RNF150: variants seen among roughly 807,000 people sequenced by gnomAD.
RNF150 encodes the protein ring finger protein 150.
RNF150 carries 24 observed loss-of-function variants against 39.3 expected under a neutral mutation model. The ratio of observed to expected loss-of-function variants is 0.61; its 90% confidence interval spans 0.44 to 0.86. The LOEUF (loss-of-function observed/expected upper bound fraction) is 0.86, where lower values mean the gene tolerates loss of function less well. Ranked by LOEUF, RNF150 falls within the 40% of genes least tolerant of loss-of-function variation. RNF150 has a pLI of 0.00. For synonymous variants in RNF150, 255 were observed against 227.3 expected (o/e 1.12, Z -1.10); for missense variants, 502 against 587.8 (o/e 0.85, Z 1.51).
chr4:141,189,492 G>A (rs560403508), intron 1 of RNF150, among the ~76,000 whole-genome samples: 2 of 152,022 alleles, frequency 1.3e-5, no homozygotes, highest in Non-Finnish European at 2.9e-5. Context: ...CTGAAGCTGC[G>A]CCCACAGCTG....
chr4:140,924,452 G>A (rs948970621), intron 5 of RNF150, among the ~76,000 whole-genome samples: 1 of 152,316 alleles, frequency 6.6e-6, no homozygotes, highest in East Asian at 1.9e-4. Flanking sequence ...CCTGACCAGA[G>A]AGCAGTGGGA....
At chr4:141,177,482 CT>C (rs1727833845) in intron 1 of RNF150, among the ~76,000 whole-genome samples, 2 of 97,736 alleles carry the variant, frequency 2.0e-5, no homozygotes, top group African/African-American at 6.2e-5. Context: ...TTCTTTCTCT[CT>C]CTCTCTCTCT....
chr4:141,051,459 G>T (rs183827623), intron 1 of RNF150, among the ~76,000 whole-genome samples: 8 of 152,188 alleles, frequency 5.3e-5, no homozygotes, highest in African/African-American at 1.9e-4. Flanking sequence ...TTATAAAACT[G>T]ACTGCCTTAA....
At chr4:141,029,678 A>T (rs1291278129) in intron 1 of RNF150, among the ~76,000 whole-genome samples, 1 of 152,196 alleles carries the variant, frequency 6.6e-6, no homozygotes, top group East Asian at 1.9e-4. Context: ...GAATTCCTTT[A>T]CAAATTATGG....
intron 1 of RNF150, among the ~76,000 whole-genome samples, chr4:141,111,102 G>C (rs1261877579): frequency 6.6e-6 from 1 of 152,102 alleles, no homozygotes; most frequent in Non-Finnish European, 1.5e-5. Context: ...ATGATGTACA[G>C]GGCAACAATG....
upstream of RNF150, among the ~76,000 whole-genome samples, chr4:141,136,639 C>A (rs1454297476): frequency 6.6e-6 from 1 of 152,188 alleles, no homozygotes; most frequent in African/African-American, 2.4e-5. Context: ...CTCTGTATTT[C>A]ATTTCTTCAT....
intron 1 of RNF150, among the ~76,000 whole-genome samples, chr4:141,111,627 T>C (rs1181417694): frequency 3.3e-5 from 5 of 152,080 alleles, no homozygotes; most frequent in Non-Finnish European, 7.4e-5. Flanking sequence ...AAGGGAACAC[T>C]AAAAATAGAC....
intron 1 of RNF150, among the ~76,000 whole-genome samples, chr4:141,123,579 T>C (rs1466469190): frequency 6.6e-6 from 1 of 152,186 alleles, no homozygotes; most frequent in African/African-American, 2.4e-5. Flanking sequence ...TACTTTAAGT[T>C]CTAGGGTACA....
chr4:140,937,551 G>A (rs541659089), intron 4 of RNF150, among the ~76,000 whole-genome samples: 35 of 152,212 alleles, frequency 2.3e-4, no homozygotes, highest in Admixed American at 1.8e-3. Context: ...GTGAGCCACC[G>A]CATCCAGCCA....
chr4:140,868,940 T>C (rs551209875), intron 6 of RNF150, among the ~76,000 whole-genome samples: 1 of 152,328 alleles, frequency 6.6e-6, no homozygotes, highest in African/African-American at 2.4e-5. Context: ...TTTTTGTCTA[T>C]GTAATCTTCA....
At chr4:140,979,615 C>T (rs1733787000) in intron 1 of RNF150, among the ~76,000 whole-genome samples, 1 of 151,236 alleles carries the variant, frequency 6.6e-6, no homozygotes, top group African/African-American at 2.4e-5. Context: ...TGCATTTAGA[C>T]CAAAGGAGGC....
chr4:141,078,650 C>A (rs550163537), intron 1 of RNF150, among the ~76,000 whole-genome samples: 2 of 150,818 alleles, frequency 1.3e-5, no homozygotes, highest in Non-Finnish European at 3.0e-5. Flanking sequence ...ATTAGCCGGG[C>A]GCGGTGGCAG....
chr4:141,058,472 T>C (rs1737081633), intron 1 of RNF150, among the ~76,000 whole-genome samples: 1 of 152,134 alleles, frequency 6.6e-6, no homozygotes, highest in African/African-American at 2.4e-5. Flanking sequence ...TCTGTGAACA[T>C]ATTTTGGCCA....
chr4:141,140,392 T>A (rs1424385320), intron 1 of RNF150, among the ~76,000 whole-genome samples: 2 of 152,210 alleles, frequency 1.3e-5, no homozygotes, highest in African/African-American at 4.8e-5. Context: ...CAACTTTATG[T>A]CATAAAATGT....
At chr4:140,971,482 C>A (rs1231963944) in intron 1 of RNF150, among the ~76,000 whole-genome samples, 1 of 152,070 alleles carries the variant, frequency 6.6e-6, no homozygotes, top group Non-Finnish European at 1.5e-5. Context: ...CCTCTTTTTG[C>A]AAAATTATAT....
At chr4:141,180,632 CT>C (rs1189332048) in intron 1 of RNF150, among the ~76,000 whole-genome samples, 1 of 152,030 alleles carries the variant, frequency 6.6e-6, no homozygotes, top group African/African-American at 2.4e-5. Context: ...TAAGATATTC[CT>C]TTTCTCTGTT....
rs1386717130 is a variant in RNF150 at position 140,865,469 on chromosome 4, T to G, written c.*2792A>C. 1 of 152,472 alleles carries G rather than the reference T, an allele frequency of 6.6e-6. No homozygotes were observed. Among genetic ancestry groups the G allele is most frequent in the Non-Finnish European group, 1.5e-5 (1 of 68,006 alleles). The allele number at this position is 152,472 out of a possible 1,614,324, so 9.4% of individuals were successfully genotyped here. On this transcript the variant is annotated 3_prime_UTR_variant, in exon 7 of 7. Coordinates refer to ENST00000515673, the MANE Select transcript of RNF150 (RefSeq NM_020724.2). ...CCAGGTCTCCAGGTCAGTCTCTTCT[T>G]TGGGGGAGGTAAAGAAGGCTATAAG...
chr4:141,148,524 A>T (rs1727240629), intron 1 of RNF150, among the ~76,000 whole-genome samples: 1 of 152,018 alleles, frequency 6.6e-6, no homozygotes, highest in South Asian at 2.1e-4. Context: ...GCTCACTGTA[A>T]CCTCTGCCTC....
chr4:141,108,898 G>T (rs1369092033), intron 1 of RNF150, among the ~76,000 whole-genome samples: 1 of 152,110 alleles, frequency 6.6e-6, no homozygotes, highest in Non-Finnish European at 1.5e-5. Context: ...TGCAGCTCAG[G>T]CTCTGAAATT....
Sources: gnomAD v4.1 joint callset for allele counts (sites outside exome capture counted in the v4.1 genomes callset) on GRCh38, gnomAD v4.1.1 for gene constraint, MANE v1.5 for transcripts, NCBI Gene and HGNC (gene_info 2026-07-23, HGNC 2026-07-21) for gene names.